Variants in FILIP1L observed in about 807,000 individuals in gnomAD.
FILIP1L encodes filamin A interacting protein 1 like, also known as filamin A-interacting protein 1-like.
In FILIP1L, 55 loss-of-function variants were observed where a neutral mutation model predicts 96.6. The ratio of observed to expected loss-of-function variants is 0.57; its 90% CI spans 0.46 to 0.71. FILIP1L has a LOEUF of 0.71. Among genes scored for constraint, FILIP1L ranks in the 30% least tolerant of loss-of-function variants. FILIP1L has a pLI of 0.00. For synonymous variants in FILIP1L, 467 were observed against 473.9 expected (o/e 0.99, Z 0.19); for missense variants, 1,304 against 1,321.2 (o/e 0.99, Z 0.20).
At chr3:100,100,693 G>A (rs1264620710) in intron 1 of FILIP1L, among the ~76,000 whole-genome samples, 1 of 152,168 alleles carries the variant, frequency 6.6e-6, no homozygotes, top group Admixed American at 6.5e-5. Flanking sequence ...GACCCTTGAG[G>A]CTTACATTTT....
At chr3:99,955,739 A>G (rs917566608) in intron 1 of FILIP1L, among the ~76,000 whole-genome samples, 1 of 152,206 alleles carries the variant, frequency 6.6e-6, no homozygotes, top group Non-Finnish European at 1.5e-5. Context: ...TTGATTTTAC[A>G]TAGAGTATGG....
intron 1 of FILIP1L, among the ~76,000 whole-genome samples, chr3:100,084,540 A>G (rs908773329): frequency 6.6e-6 from 1 of 152,216 alleles, no homozygotes; most frequent in African/African-American, 2.4e-5. Flanking sequence ...CGGGAAAACA[A>G]TACAGTGTTA....
intron 1 of FILIP1L, among the ~76,000 whole-genome samples, chr3:100,027,559 C>T (rs902989154): frequency 4.6e-5 from 7 of 152,122 alleles, no homozygotes; most frequent in Non-Finnish European, 8.8e-5. Flanking sequence ...TCTTCCCTTC[C>T]ATTCCCACAT....
chr3:99,993,285 T>A (rs1417116918), intron 1 of FILIP1L, among the ~76,000 whole-genome samples: 1 of 152,128 alleles, frequency 6.6e-6, no homozygotes, highest in Non-Finnish European at 1.5e-5. Context: ...TGAGCATGGA[T>A]GTTTTTTCAT....
At chr3:100,074,928 A>C (rs1325165800) in intron 1 of FILIP1L, among the ~76,000 whole-genome samples, 1 of 151,924 alleles carries the variant, frequency 6.6e-6, no homozygotes, top group Non-Finnish European at 1.5e-5. Context: ...TCCTGACCTC[A>C]AGTGATCCAC....
chr3:100,090,940 G>T (rs1420989129), intron 1 of FILIP1L, among the ~76,000 whole-genome samples: 2 of 152,146 alleles, frequency 1.3e-5, no homozygotes. Context: ...AAAGTAGCTT[G>T]GGATTACAAG....
At chr3:99,833,142 C>A in intron 5 of FILIP1L, 2 of 1,130,506 alleles carry the variant, frequency 1.8e-6, no homozygotes, top group Non-Finnish European at 2.6e-6. Flanking sequence ...AAAGCTCATT[C>A]ATAGAAGAAA....
chr3:99,883,318 A>T (rs1705789773), intron 4 of FILIP1L, among the ~76,000 whole-genome samples: 1 of 152,200 alleles, frequency 6.6e-6, no homozygotes, highest in Admixed American at 6.5e-5. Flanking sequence ...TGTTGAATAA[A>T]TGCGTTGCTT....
At chr3:99,869,315 A>G (rs997990067) in intron 4 of FILIP1L, among the ~76,000 whole-genome samples, 1 of 152,182 alleles carries the variant, frequency 6.6e-6, no homozygotes, top group Non-Finnish European at 1.5e-5. Flanking sequence ...AAAGAATTTT[A>G]TGGGGCAGAA....
intron 4 of FILIP1L, among the ~76,000 whole-genome samples, chr3:99,872,672 G>C (rs79492083): frequency 0.022 from 3,298 of 152,060 alleles, 51 homozygotes; most frequent in Non-Finnish European, 0.036. Flanking sequence ...AGAAATGTGA[G>C]GACGGTCAGA....
intron 1 of FILIP1L, among the ~76,000 whole-genome samples, chr3:100,039,495 A>C (rs562691825): frequency 6.6e-6 from 1 of 152,190 alleles, no homozygotes; most frequent in East Asian, 1.9e-4. Flanking sequence ...AGTAAAATTT[A>C]TTTCAAATTA....
chr3:100,054,731 C>T (rs1439471728), intron 1 of FILIP1L, among the ~76,000 whole-genome samples: 1 of 152,060 alleles, frequency 6.6e-6, no homozygotes, highest in East Asian at 1.9e-4. Context: ...TTAGCAGTTC[C>T]CACCAATACC....
In FILIP1L at chr3:99,848,455, A is replaced by G; in HGVS notation, c.3221T>C (p.Val1074Ala). The G allele has an allele frequency of 6.2e-7, 1 of 1,614,186 alleles. No individual in the cohort carries two copies. Among genetic ancestry groups the G allele is most frequent in the South Asian group, 1.1e-5 (1 of 91,078 alleles). ...IHLGSPYMQA[V>A]ASPVRPASPS... ...GCTGGCAGGTCTCACAGGGCTGGCT[A>G]CAGCTTGCATGTAAGGACTTCCTAA... Residue 1074 changes from valine (V) to alanine (A), a missense_variant, in exon 5 of 6, where the codon GTA becomes GCA. Val to Ala is a moderately conservative substitution (Grantham distance 64). Transcript: ENST00000477258.
intron 1 of FILIP1L, among the ~76,000 whole-genome samples, chr3:100,038,629 C>T (rs1009448453): frequency 1.3e-5 from 2 of 152,108 alleles, no homozygotes; most frequent in Admixed American, 6.5e-5. Flanking sequence ...ACTATGCTTC[C>T]ATAACAAAAA....
At chr3:100,005,347 AG>A (rs747765366) in intron 1 of FILIP1L, among the ~76,000 whole-genome samples, 18 of 152,296 alleles carry the variant, frequency 1.2e-4, no homozygotes, top group Non-Finnish European at 2.2e-4. Context: ...CTGGGAGGTT[AG>A]GGGGTTCAGA....
At chr3:99,999,667 G>A (rs1242994040) in intron 1 of FILIP1L, among the ~76,000 whole-genome samples, 1 of 152,152 alleles carries the variant, frequency 6.6e-6, no homozygotes, top group Non-Finnish European at 1.5e-5. Context: ...AAAGAAGTCT[G>A]TCACTTGATG....
intron 4 of FILIP1L, among the ~76,000 whole-genome samples, chr3:99,909,525 A>G (rs1056139388): frequency 3.9e-5 from 6 of 152,218 alleles, no homozygotes; most frequent in Non-Finnish European, 5.9e-5. Context: ...CTGCAGACAT[A>G]ATCATTCATG....
intron 1 of FILIP1L, among the ~76,000 whole-genome samples, chr3:100,001,875 C>T (rs1709851654): frequency 6.6e-6 from 1 of 152,176 alleles, no homozygotes; most frequent in East Asian, 1.9e-4. Flanking sequence ...TTACCCTCCC[C>T]TAAGCTGCTC....
chr3:100,006,549 C>T (rs1013018344), intron 1 of FILIP1L, among the ~76,000 whole-genome samples: 44 of 151,958 alleles, frequency 2.9e-4, no homozygotes, highest in Non-Finnish European at 8.8e-5. Context: ...TGAAGGCTAT[C>T]ATTCAAATCC....
Sources: gnomAD v4.1 joint callset for allele counts (sites outside exome capture counted in the v4.1 genomes callset) on GRCh38, gnomAD v4.1.1 for gene constraint, MANE v1.5 for transcripts, NCBI Gene and HGNC (gene_info 2026-07-23, HGNC 2026-07-21) for gene names.